The following NELL1 variants were observed in gnomAD, a reference collection of about 807,000 sequenced individuals.
NELL1 encodes the protein protein kinase C-binding protein NELL1.
In NELL1, 76 loss-of-function variants were observed where a neutral mutation model predicts 107.4. The ratio of observed to expected loss-of-function variants is 0.71; its 90% confidence interval spans 0.59 to 0.86. NELL1 has a LOEUF of 0.86. Ranked by LOEUF, NELL1 falls within the 40% of genes least tolerant of loss-of-function variation. NELL1 has a pLI of 0.00. For missense variants in NELL1, 1,024 were observed against 1,005.5 expected, an observed-to-expected ratio of 1.02 and a Z score of -0.25; for synonymous variants, 353 against 341.2, an observed-to-expected ratio of 1.03 and a Z score of -0.38.
chr11:21,057,549 T>C (rs1853641603), intron 12 of NELL1, among the ~76,000 whole-genome samples: 1 of 151,910 alleles, frequency 6.6e-6, no homozygotes, highest in Non-Finnish European at 1.5e-5. Flanking sequence ...GAAACAATGT[T>C]TAACAACAAG....
intron 12 of NELL1, among the ~76,000 whole-genome samples, chr11:21,103,026 T>C (rs1351028885): frequency 1.3e-5 from 2 of 152,172 alleles, no homozygotes; most frequent in African/African-American, 2.4e-5. Context: ...GCGAAATACA[T>C]GAAAAAGTAA....
At chr11:21,350,410 A>G (rs1850782219) in intron 14 of NELL1, among the ~76,000 whole-genome samples, 1 of 152,150 alleles carries the variant, frequency 6.6e-6, no homozygotes, top group African/African-American at 2.4e-5. Context: ...AACAAATACC[A>G]TTGTCCATAT....
intron 14 of NELL1, among the ~76,000 whole-genome samples, chr11:21,327,735 G>A (rs1272245542): frequency 6.6e-6 from 1 of 152,106 alleles, no homozygotes; most frequent in African/African-American, 2.4e-5. Context: ...CTTCTTGAAT[G>A]GCTTTGACCA....
intron 13 of NELL1, among the ~76,000 whole-genome samples, chr11:21,219,181 G>A (rs576797062): frequency 6.6e-6 from 1 of 152,010 alleles, no homozygotes; most frequent in South Asian, 2.1e-4. Flanking sequence ...TTTTAACTGG[G>A]GTGAGATAAT....
intron 2 of NELL1, among the ~76,000 whole-genome samples, chr11:20,748,504 T>G (rs1321130257): frequency 2.0e-5 from 3 of 152,186 alleles, no homozygotes; most frequent in Admixed American, 2.0e-4. Context: ...ACCCATCATC[T>G]GAGTAGTGTA....
intron 5 of NELL1, among the ~76,000 whole-genome samples, chr11:20,905,031 A>T (rs761315641): frequency 8.0e-5 from 12 of 150,654 alleles, no homozygotes; most frequent in Admixed American, 1.3e-4. Flanking sequence ...ACAGAGACAA[A>T]GTCTCACTGT....
chr11:21,486,447 CCAA>C, intron 15 of NELL1, among the ~76,000 whole-genome samples: 1 of 152,280 alleles, frequency 6.6e-6, no homozygotes, highest in Middle Eastern at 3.4e-3. Context: ...GCCCCACCCA[CCAA>C]CAACATATCT....
intron 12 of NELL1, among the ~76,000 whole-genome samples, chr11:21,091,084 A>G (rs1854509388): frequency 6.6e-6 from 1 of 152,186 alleles, no homozygotes; most frequent in African/African-American, 2.4e-5. Context: ...AACTGTAGCT[A>G]TTTTTATATG....
At chr11:21,362,657 C>A (rs1360098324) in intron 14 of NELL1, among the ~76,000 whole-genome samples, 2 of 152,120 alleles carry the variant, frequency 1.3e-5, no homozygotes, top group African/African-American at 2.4e-5. Flanking sequence ...GAATTAGCTG[C>A]GGTAGTAGTA....
chr11:21,373,651 C>A (rs1851404169), intron 15 of NELL1, among the ~76,000 whole-genome samples: 1 of 152,040 alleles, frequency 6.6e-6, no homozygotes, highest in South Asian at 2.1e-4. Flanking sequence ...TGTTAATAAT[C>A]CCACTTGTGT....
At chr11:21,484,369 T>C (rs1402329367) in intron 15 of NELL1, among the ~76,000 whole-genome samples, 1 of 151,954 alleles carries the variant, frequency 6.6e-6, no homozygotes, top group African/African-American at 2.4e-5. Context: ...ACATATACTA[T>C]ACACTTTTAC....
intron 13 of NELL1, among the ~76,000 whole-genome samples, chr11:21,219,154 C>G (rs948183606): frequency 1.3e-5 from 2 of 152,084 alleles, no homozygotes; most frequent in African/African-American, 4.8e-5. Flanking sequence ...TAGTGCCTAT[C>G]TTTTCGATAT....
intron 13 of NELL1, among the ~76,000 whole-genome samples, chr11:21,228,701 T>C (rs1349714774): frequency 4.5e-3 from 8 of 1,762 alleles, no homozygotes; most frequent in Admixed American, 0.012. Flanking sequence ...CCCCTCTCCT[T>C]CCCTCCCCTC....
intron 13 of NELL1, among the ~76,000 whole-genome samples, chr11:21,172,633 A>AT (rs1050330708): frequency 3.3e-5 from 5 of 150,900 alleles, no homozygotes; most frequent in East Asian, 1.9e-4. Flanking sequence ...ATTTTTAATT[A>AT]TTTTTTTTTC....
chr11:21,115,140 C>T lies in NELL1; in HGVS notation c.1426+1426C>T, dbSNP rs140594573. Among the ~76,000 whole-genome samples, 1,507 of 152,096 alleles carry T rather than the reference C, an allele frequency of 9.9e-3. 24 individuals are homozygous for T. The highest frequency in any genetic ancestry group is 0.045 in the Admixed American group (690 of 15,252). On this transcript the variant is annotated intron_variant, in intron 13 of 19. Coordinates refer to ENST00000357134, the MANE Select transcript of NELL1 (RefSeq NM_006157.5). ...CGAATGCCTTAATAGGATAGGCGCT[C>T]TGTCTGGTGGTTTATATATGGAACA...
At chr11:21,510,014 T>G (rs1257658182) in intron 15 of NELL1, among the ~76,000 whole-genome samples, 1 of 152,180 alleles carries the variant, frequency 6.6e-6, no homozygotes, top group African/African-American at 2.4e-5. Context: ...ATGTACATGG[T>G]GATAACCCAC....
Position 21,147,000 on chromosome 11 carries a change from C to T in NELL1, c.1426+33286C>T, listed in dbSNP as rs138561572. On this transcript the variant is annotated intron_variant, in intron 13 of 19. Transcript: ENST00000357134. ...CAGAGGTTGCAGTGAGCCAAGATTG[C>T]ACCACTGCGCTCCAGCGTGGGTGAC... is the stretch of plus-strand genomic sequence containing the variant. Among the ~76,000 whole-genome samples, 99 of 152,284 alleles carry T rather than the reference C, an allele frequency of 6.5e-4. 1 individual carries two copies. Among genetic ancestry groups the T allele is most frequent in the Non-Finnish European group, 1.2e-3 (84 of 68,010 alleles).
At chr11:21,183,377 T>C (rs1856868428) in intron 13 of NELL1, among the ~76,000 whole-genome samples, 1 of 151,936 alleles carries the variant, frequency 6.6e-6, no homozygotes, top group Admixed American at 6.5e-5. Flanking sequence ...CTTTTAAAAT[T>C]ACTTTTACAG....
intron 14 of NELL1, among the ~76,000 whole-genome samples, chr11:21,233,865 A>G (rs1004406756): frequency 1.3e-5 from 2 of 152,228 alleles, no homozygotes; most frequent in East Asian, 3.8e-4. Flanking sequence ...CTTTGAAAGC[A>G]TTCTTGTCTT....
Sources: allele counts gnomAD v4.1 joint callset (sites outside exome capture counted in the v4.1 genomes callset), GRCh38; gene constraint gnomAD v4.1.1; transcripts MANE v1.5; gene names NCBI Gene and HGNC (gene_info 2026-07-23, HGNC 2026-07-21).